The following TAFA2 variants were observed in gnomAD, a reference collection of about 807,000 sequenced individuals.
TAFA2 encodes the protein chemokine-like protein TAFA-2.
A neutral mutation model predicts 18.8 loss-of-function variants in TAFA2; 7 were observed. The ratio of observed to expected loss-of-function variants is 0.37; its 90% CI spans 0.21 to 0.70. The LOEUF is 0.70. Ranked by LOEUF, TAFA2 falls within the 30% of genes least tolerant of loss-of-function variation. TAFA2 has a pLI of 0.53. For missense variants in TAFA2, 122 were observed against 158.1 expected (o/e 0.77, Z 1.23); for synonymous variants, 60 against 54.2 (o/e 1.11, Z -0.47).
chr12:61,732,733 T>G lies in TAFA2; in HGVS notation c.384+20889A>C, dbSNP rs527387048. Reference sequence around the variant, plus strand: ...CAAGGTGGAGTGAGCAAGTGATTTTTTGTGTGTGTGTGTGTGTGTGTGCGT... The same window carrying G: ...CAAGGTGGAGTGAGCAAGTGATTTTGTGTGTGTGTGTGTGTGTGTGTGCGT... On this transcript the variant is annotated intron_variant, in intron 4 of 4. Transcript: ENST00000416284. 6.9e-3 allele frequency among the ~76,000 whole-genome samples: 771 copies of G among 111,496 alleles called. 2 individuals are homozygous for G. Among genetic ancestry groups the G allele is most frequent in the Non-Finnish European group, 9.7e-3 (461 of 47,444 alleles). The allele number at this position is 111,496 out of a possible 152,430, so 73.1% of individuals were successfully genotyped here.
intron 1 of TAFA2, among the ~76,000 whole-genome samples, chr12:61,949,255 A>G (rs1420456918): frequency 6.6e-6 from 1 of 152,086 alleles, no homozygotes; most frequent in African/African-American, 2.4e-5. Flanking sequence ...TGGAACATCA[A>G]TCTTTTCCTG....
At chr12:62,024,464 T>C (rs1268926700) in intron 1 of TAFA2, among the ~76,000 whole-genome samples, 1 of 152,144 alleles carries the variant, frequency 6.6e-6, no homozygotes, top group Non-Finnish European at 1.5e-5. Flanking sequence ...ACAAAGTTAA[T>C]GTCCCATATG....
chr12:62,255,885 C>A (rs2062935999), intron 1 of TAFA2, among the ~76,000 whole-genome samples: 1 of 151,864 alleles, frequency 6.6e-6, no homozygotes, highest in South Asian at 2.1e-4. Context: ...CAATTTAGTT[C>A]TATTAGCATG....
At chr12:62,234,472 T>G in intron 1 of TAFA2, 1 of 1,057,844 alleles carries the variant, frequency 9.5e-7, no homozygotes, top group Non-Finnish European at 1.5e-6. Context: ...CTGGTGTTGC[T>G]TGAGATGGTC....
intron 1 of TAFA2, among the ~76,000 whole-genome samples, chr12:62,165,352 T>A (rs60193100): frequency 0.022 from 3,358 of 152,164 alleles, 110 homozygotes; most frequent in African/African-American, 0.075. Flanking sequence ...ACTCAAGGCA[T>A]GGAACTTTCC....
chr12:61,953,227 T>TA (rs1022951956), intron 1 of TAFA2, among the ~76,000 whole-genome samples: 12 of 151,768 alleles, frequency 7.9e-5, no homozygotes, highest in South Asian at 4.2e-4. Context: ...ACACTCCCCT[T>TA]AAAAAAAACC....
At chr12:62,183,578 T>C (rs1320430736) in intron 1 of TAFA2, among the ~76,000 whole-genome samples, 1 of 152,052 alleles carries the variant, frequency 6.6e-6, no homozygotes, top group East Asian at 1.9e-4. Flanking sequence ...AGAGACAGGG[T>C]TTCATCATAT....
intron 1 of TAFA2, among the ~76,000 whole-genome samples, chr12:62,157,605 C>T (rs1257559724): frequency 2.0e-5 from 3 of 152,172 alleles, no homozygotes; most frequent in African/African-American, 7.2e-5. Context: ...AGGTCATTCC[C>T]AGATCAGGGC....
chr12:61,986,672 A>T (rs1003273882), intron 1 of TAFA2, among the ~76,000 whole-genome samples: 1 of 150,574 alleles, frequency 6.6e-6, no homozygotes, highest in Admixed American at 6.6e-5. Flanking sequence ...AAAAAAAATC[A>T]CTTAAACTGT....
At position 61,806,948 on chromosome 12, in the gene TAFA2, T is replaced by A. The variant is rs190952311; in HGVS notation, c.107-51924A>T. ...TCAGTTTTATAAGGGAAGCAGAGCATAAAAGTTTGCAAAATTTGTAGCCTG... is the reference window on the plus strand; with the variant it reads ...TCAGTTTTATAAGGGAAGCAGAGCAAAAAAGTTTGCAAAATTTGTAGCCTG... On this transcript the variant is annotated intron_variant, in intron 2 of 4. Coordinates refer to ENST00000416284, the MANE Select transcript of TAFA2 (RefSeq NM_178539.5). 3.3e-5 allele frequency among the ~76,000 whole-genome samples: 5 copies of A among 152,280 alleles called. No homozygotes were observed. The East Asian group carries it at 9.6e-4, about 29-fold the overall frequency.
intron 1 of TAFA2, among the ~76,000 whole-genome samples, chr12:62,067,611 A>C (rs1193659884): frequency 6.6e-6 from 1 of 152,030 alleles, no homozygotes; most frequent in African/African-American, 2.4e-5. Context: ...TCTGTCAAAA[A>C]ATGAGTTCAC....
intron 1 of TAFA2, among the ~76,000 whole-genome samples, chr12:61,935,807 T>A (rs940128371): frequency 2.6e-5 from 4 of 151,476 alleles, no homozygotes; most frequent in African/African-American, 9.7e-5. Context: ...AGGAAGAAAG[T>A]GAAAACCTGA....
intron 1 of TAFA2, among the ~76,000 whole-genome samples, chr12:61,978,534 A>G (rs1879517067): frequency 6.6e-6 from 1 of 151,954 alleles, no homozygotes; most frequent in Admixed American, 6.6e-5. Context: ...ACCACGGGGG[A>G]TGCAGAAGAA....
intron 4 of TAFA2, among the ~76,000 whole-genome samples, chr12:61,732,760 C>T (rs538957235): frequency 7.9e-5 from 12 of 151,076 alleles, no homozygotes; most frequent in South Asian, 2.1e-4. Flanking sequence ...TGTGTGCGTG[C>T]GTGCGTGCAT....
At chr12:62,028,662 T>C (rs1293466938) in intron 1 of TAFA2, among the ~76,000 whole-genome samples, 1 of 152,186 alleles carries the variant, frequency 6.6e-6, no homozygotes, top group Non-Finnish European at 1.5e-5. Flanking sequence ...CTCTAAACTA[T>C]TGCTTTAATC....
Position 61,754,117 on chromosome 12 carries a change from C to A in TAFA2, c.260-371G>T, listed in dbSNP as rs114682215. On this transcript the variant is annotated intron_variant, in intron 3 of 4. Coordinates refer to ENST00000416284, the MANE Select transcript of TAFA2 (RefSeq NM_178539.5). ...AAACTATGCAAATGTGTATATGCAC[C>A]AATTTATATAAATATATAAGAAAAT... 5.4e-3 allele frequency among the ~76,000 whole-genome samples: 825 copies of A among 151,698 alleles called. 5 individuals are homozygous for A. Among genetic ancestry groups the A allele is most frequent in the African/African-American group, 0.019 (783 of 41,404 alleles).
intron 2 of TAFA2, among the ~76,000 whole-genome samples, chr12:61,785,552 C>T (rs74349367): frequency 0.011 from 1,638 of 151,430 alleles, 42 homozygotes; most frequent in East Asian, 0.11. Context: ...TACTTGTTGG[C>T]AATGAAATAA....
chr12:62,165,939 T>TCTCTCTCA (rs1555195377), intron 1 of TAFA2, among the ~76,000 whole-genome samples: 2 of 139,364 alleles, frequency 1.4e-5, no homozygotes, highest in African/African-American at 2.7e-5. Context: ...TCTCTCTCTC[T>TCTCTCTCA]CACACACACA....
chr12:61,748,423 A>C (rs554219265), intron 4 of TAFA2, among the ~76,000 whole-genome samples: 2 of 152,258 alleles, frequency 1.3e-5, no homozygotes, highest in South Asian at 4.1e-4. Flanking sequence ...AGAGCTGATC[A>C]AGAAAGAACC....
Sources: allele counts gnomAD v4.1 joint callset (sites outside exome capture counted in the v4.1 genomes callset), GRCh38; gene constraint gnomAD v4.1.1; transcripts MANE v1.5; gene names NCBI Gene and HGNC (gene_info 2026-07-23, HGNC 2026-07-21).